Variants in METTL24 observed in about 807,000 individuals in gnomAD.
The protein encoded by METTL24 is methyltransferase like 24, also known as probable methyltransferase-like protein 24.
A neutral mutation model predicts 32.7 loss-of-function variants in METTL24; 29 were observed. The observed-to-expected ratio is 0.89, with a 90% CI of 0.66 to 1.21. The LOEUF is 1.21. Among genes scored for constraint, METTL24 ranks in the 50% most tolerant of loss-of-function variants. METTL24 has a pLI of 0.00. For missense variants in METTL24, 439 were observed against 468.1 expected (o/e 0.94, Z 0.57); for synonymous variants, 163 against 179.5 (o/e 0.91, Z 0.73).
chr6:110,311,468 G>GTTTTTTTTTTTTTTTTTTTTTTTTCTTTT (rs1051868507), intron 3 of METTL24, among the ~76,000 whole-genome samples: 5 of 96,142 alleles, frequency 5.2e-5, no homozygotes, highest in Non-Finnish European at 1.0e-4. Flanking sequence ...TTCTTTCTTT[G>GTTTTTTTTTTTTTTTTTTTTTTTTCTTTT]TTTTTTTTTT....
intron 2 of METTL24, among the ~76,000 whole-genome samples, chr6:110,315,766 G>A (rs1771809223): frequency 6.6e-6 from 1 of 152,174 alleles, no homozygotes; most frequent in Non-Finnish European, 1.5e-5. Context: ...GAACAAATCA[G>A]GAGCAAAAGG....
chr6:110,305,420 T>C (rs191256825), intron 3 of METTL24, among the ~76,000 whole-genome samples: 21 of 152,012 alleles, frequency 1.4e-4, no homozygotes, highest in Middle Eastern at 3.4e-3. Flanking sequence ...AAATTTGCAA[T>C]CTATCCATCT....
intron 4 of METTL24, among the ~76,000 whole-genome samples, chr6:110,280,632 T>C (rs943007175): frequency 6.6e-6 from 1 of 151,830 alleles, no homozygotes; most frequent in Non-Finnish European, 1.5e-5. Context: ...GAGAGAAAAG[T>C]GTGGAAGCAG....
intron 4 of METTL24, among the ~76,000 whole-genome samples, chr6:110,263,147 G>A (rs1194328610): frequency 1.3e-5 from 2 of 152,162 alleles, no homozygotes; most frequent in East Asian, 1.9e-4. Context: ...AGGAAATAAA[G>A]GGTATTCAAT....
chr6:110,356,449 AAAAAAG>A lies in METTL24; in HGVS notation c.318+1500_318+1505del, dbSNP rs1348902901. ...CACAGCAAGACTCCGGCTCAAATAA[AAAAAAG>A]AAAAAGAAAAGAAAAGAAAAGAAAA... On this transcript the variant is annotated intron_variant, in intron 1 of 4. Coordinates refer to ENST00000338882, the MANE Select transcript of METTL24 (RefSeq NM_001123364.3). Among the ~76,000 whole-genome samples, 16 of 152,140 alleles carry A rather than the reference AAAAAAG, an allele frequency of 1.1e-4. No homozygotes were observed. In the East Asian group the frequency reaches 2.7e-3, roughly 26 times the overall value.
intron 4 of METTL24, among the ~76,000 whole-genome samples, chr6:110,295,101 C>T (rs1771390027): frequency 6.9e-6 from 1 of 144,470 alleles, no homozygotes; most frequent in Non-Finnish European, 1.5e-5. Flanking sequence ...TGGCTCACTG[C>T]AGCCTCCACC....
intron 1 of METTL24, among the ~76,000 whole-genome samples, chr6:110,336,515 C>A (rs758583759): frequency 1.3e-5 from 2 of 151,908 alleles, no homozygotes; most frequent in East Asian, 3.9e-4. Flanking sequence ...CTGAGGTGGG[C>A]GGATCACGAG....
intron 4 of METTL24, among the ~76,000 whole-genome samples, chr6:110,285,344 C>T (rs550515552): frequency 1.1e-4 from 16 of 152,254 alleles, no homozygotes; most frequent in African/African-American, 2.6e-4. Flanking sequence ...TAACTAAAAA[C>T]GGGGAAATGA....
intron 4 of METTL24, among the ~76,000 whole-genome samples, chr6:110,289,698 A>G (rs1554213249): frequency 6.6e-6 from 1 of 152,204 alleles, no homozygotes; most frequent in Non-Finnish European, 1.5e-5. Context: ...AATGGATAAG[A>G]AAACATGGAA....
At chr6:110,265,388 G>C (rs1392636466) in intron 4 of METTL24, among the ~76,000 whole-genome samples, 3 of 152,122 alleles carry the variant, frequency 2.0e-5, no homozygotes, top group African/African-American at 7.2e-5. Flanking sequence ...GTGGTTTAAA[G>C]GCAAATATAG....
At chr6:110,279,925 G>C (rs550920044) in intron 4 of METTL24, among the ~76,000 whole-genome samples, 9 of 152,246 alleles carry the variant, frequency 5.9e-5, no homozygotes, top group African/African-American at 1.9e-4. Context: ...CATCTGCTTG[G>C]CTTCTGGTAA....
At chr6:110,285,455 C>A (rs985130033) in intron 4 of METTL24, among the ~76,000 whole-genome samples, 7 of 152,174 alleles carry the variant, frequency 4.6e-5, no homozygotes, top group Non-Finnish European at 1.0e-4. Flanking sequence ...GAGCCTGTTT[C>A]ATGGGTGTGT....
At chr6:110,258,000 C>T (rs916093887) in intron 4 of METTL24, among the ~76,000 whole-genome samples, 8 of 152,302 alleles carry the variant, frequency 5.3e-5, no homozygotes, top group Admixed American at 1.3e-4. Flanking sequence ...GACTCTCAGG[C>T]AGGTTGTTTA....
chr6:110,263,074 C>T (rs1770780226), intron 4 of METTL24, among the ~76,000 whole-genome samples: 1 of 152,154 alleles, frequency 6.6e-6, no homozygotes, highest in South Asian at 2.1e-4. Flanking sequence ...CAAGGATGCC[C>T]TCTCTCACCA....
At chr6:110,260,769 C>T (rs1278210381) in intron 4 of METTL24, among the ~76,000 whole-genome samples, 6 of 152,136 alleles carry the variant, frequency 3.9e-5, no homozygotes, top group South Asian at 2.1e-4. Context: ...GGTGATCTCT[C>T]GGCAGAAACT....
At chr6:110,334,768 C>G (rs1772180267) in intron 1 of METTL24, among the ~76,000 whole-genome samples, 1 of 152,212 alleles carries the variant, frequency 6.6e-6, no homozygotes, top group African/African-American at 2.4e-5. Context: ...CATCCATTAA[C>G]TCTTTTGTCA....
At chr6:110,349,954 G>A (rs1293492237) in intron 1 of METTL24, among the ~76,000 whole-genome samples, 1 of 151,780 alleles carries the variant, frequency 6.6e-6, no homozygotes, top group Non-Finnish European at 1.5e-5. Context: ...GCTGGGCATG[G>A]ACACCACCCT....
At chr6:110,341,738 G>A (rs1772363227) in intron 1 of METTL24, among the ~76,000 whole-genome samples, 1 of 152,136 alleles carries the variant, frequency 6.6e-6, no homozygotes, top group Admixed American at 6.5e-5. Flanking sequence ...ATCTGATCTG[G>A]ATTATAATCG....
chr6:110,261,255 ATAAAG>A (rs1477918358), intron 4 of METTL24, among the ~76,000 whole-genome samples: 2 of 152,198 alleles, frequency 1.3e-5, no homozygotes, highest in Non-Finnish European at 2.9e-5. Flanking sequence ...TAGGCTCAAA[ATAAAG>A]GGATGGAGGA....
Sources: gnomAD v4.1 joint callset for allele counts (sites outside exome capture counted in the v4.1 genomes callset) on GRCh38, gnomAD v4.1.1 for gene constraint, MANE v1.5 for transcripts, NCBI Gene and HGNC (gene_info 2026-07-23, HGNC 2026-07-21) for gene names.